Variants in CCDC18 observed in about 807,000 individuals in gnomAD.
The protein encoded by CCDC18 is coiled-coil domain containing 18, also known as coiled-coil domain-containing protein 18.
Under a neutral mutation model 196.0 loss-of-function variants are expected in CCDC18, and 157 were observed. The observed-to-expected ratio is 0.80, with a 90% CI of 0.70 to 0.91. CCDC18 has a LOEUF of 0.91. Among genes scored for constraint, CCDC18 ranks in the 40% least tolerant of loss-of-function variants. CCDC18 has a pLI of 0.00. For missense variants in CCDC18, 1,465 were observed against 1,611.6 expected (o/e 0.91, Z 1.56); for synonymous variants, 482 against 529.2 (o/e 0.91, Z 1.22).
intron 22 of CCDC18, among the ~76,000 whole-genome samples, chr1:93,246,471 G>A (rs1408830884): frequency 9.9e-5 from 15 of 152,002 alleles, no homozygotes; most frequent in Admixed American, 8.5e-4. Flanking sequence ...AGTGTTGGAG[G>A]AACAAAAATA....
intron 27 of CCDC18, among the ~76,000 whole-genome samples, chr1:93,268,487 C>G (rs1159071112): frequency 6.6e-6 from 1 of 152,096 alleles, no homozygotes; most frequent in African/African-American, 2.4e-5. Flanking sequence ...TCAGAGTGAA[C>G]AGGCAACCTA....
rs916292623 is a variant in CCDC18, at chr1:93,257,250, A to C, written c.3546+712A>C. Among the ~76,000 whole-genome samples the C allele has an allele frequency of 1.1e-3, 157 of 145,286 alleles. 1 individual carries two copies. The highest frequency in any genetic ancestry group is 4.7e-3 in the South Asian group (22 of 4,730). ...CCATCTCAAAAAAAAAAAAAAAAAAAAAAAAAAAACATGAAAACTATCCAA... is the reference window on the plus strand; with the variant it reads ...CCATCTCAAAAAAAAAAAAAAAAAACAAAAAAAAACATGAAAACTATCCAA... On this transcript the variant is annotated intron_variant, in intron 25 of 28. Transcript: ENST00000690025.
chr1:93,270,826 A>G lies in CCDC18; in HGVS notation c.4353+12A>G. 1 of 1,480,652 alleles carries G rather than the reference A, an allele frequency of 6.8e-7. No homozygotes were observed. The highest frequency in any genetic ancestry group is 9.0e-7 in the Non-Finnish European group (1 of 1,111,880). The allele number at this position is 1,480,652 out of a possible 1,614,324, so 91.7% of individuals were successfully genotyped here. A position where few individuals can be genotyped will look rare whatever the true frequency, so the allele number is the denominator to read the frequency against. On this transcript the variant is annotated intron_variant, in intron 28 of 28. Transcript: ENST00000690025. ...CTGGTTTAAATCAGGTATGTATTTT[A>G]TACACTGTAAACTGTAATAATTTGT...
intron 11 of CCDC18, among the ~76,000 whole-genome samples, chr1:93,213,307 A>C (rs1655974018): frequency 6.6e-6 from 1 of 151,994 alleles, no homozygotes; most frequent in Non-Finnish European, 1.5e-5. Context: ...TTTGTGTTTT[A>C]ATGTTTAACT....
At chr1:93,226,257 T>G in intron 16 of CCDC18, 76 bp from the exon 17 acceptor site, 1 of 677,720 alleles carries the variant, frequency 1.5e-6, no homozygotes, top group Non-Finnish European at 2.6e-6. Flanking sequence ...TCAGGTAACA[T>G]TAGGAGATAA....
At position 93,278,617 on chromosome 1, in the gene CCDC18, C is replaced by T; in HGVS notation, c.*140C>T. On this transcript the variant is annotated 3_prime_UTR_variant, in exon 29 of 29. Transcript: ENST00000690025. ...ATATTTCAATATTTTAAAAGAAAGC[C>T]CTTCTAAAACTTAATTATATTTTTA... 2.6e-6 allele frequency: 1 copy of T among 378,398 alleles called. No individual in the cohort carries two copies. Among genetic ancestry groups the T allele is most frequent in the Admixed American group, 4.0e-5 (1 of 25,160 alleles). 23.4% of individuals were successfully genotyped at this position (378,398 alleles called of 1,614,324 possible). A position where few individuals can be genotyped will look rare whatever the true frequency, so the allele number is the denominator to read the frequency against.
chr1:93,213,860 T>C (rs1656070784), intron 11 of CCDC18, among the ~76,000 whole-genome samples: 1 of 152,174 alleles, frequency 6.6e-6, no homozygotes, highest in Admixed American at 6.5e-5. Flanking sequence ...ACAGAGCCAA[T>C]AAAAAGTAAA....
chr1:93,235,143 A>T (rs1440042316), intron 18 of CCDC18, among the ~76,000 whole-genome samples: 1 of 151,744 alleles, frequency 6.6e-6, no homozygotes, highest in Non-Finnish European at 1.5e-5. Flanking sequence ...ATGGTTTATG[A>T]TCTATATTTA....
chr1:93,234,934 A>AGTGTGTGTGT (rs759186009), intron 18 of CCDC18, among the ~76,000 whole-genome samples: 2,195 of 67,702 alleles, frequency 0.032, 39 homozygotes, highest in Middle Eastern at 0.071. Flanking sequence ...TGCCCAGCTA[A>AGTGTGTGTGT]GAGTGTGTGT....
At chr1:93,220,944 T>C (rs1359200855) in intron 14 of CCDC18, among the ~76,000 whole-genome samples, 1 of 152,220 alleles carries the variant, frequency 6.6e-6, no homozygotes, top group East Asian at 1.9e-4. Context: ...TCCGTGTCCC[T>C]GTAAAGGAAA....
At chr1:93,225,667 C>T (rs1417237364) in intron 16 of CCDC18, among the ~76,000 whole-genome samples, 1 of 151,910 alleles carries the variant, frequency 6.6e-6, no homozygotes, top group Non-Finnish European at 1.5e-5. Flanking sequence ...ATCCCAGCTA[C>T]TCAGGAGGCG....
In CCDC18 at chr1:93,239,828, A is replaced by G. The variant is rs1468994761; in HGVS notation, c.2913A>G (p.Val971=). 1 of 1,613,396 alleles carries G rather than the reference A, an allele frequency of 6.2e-7. No individual in the cohort carries two copies. Among genetic ancestry groups the G allele is most frequent in the East Asian group, 2.2e-5 (1 of 44,832 alleles). Residue 971 remains valine, a synonymous_variant, in exon 21 of 29, where the codon GTA becomes GTG. Transcript: ENST00000690025. The part of the protein sequence containing the change: ...TLRQLQELRD[V]LQKAQLSLEE... ...GACAACTCCAGGAATTGAGAGATGT[A>G]CTACAGAAGGCTCAATTATCATTAG...
chr1:93,180,517 G>A (rs776326569), upstream of CCDC18: 1 of 1,531,370 alleles, frequency 6.5e-7, no homozygotes, highest in Non-Finnish European at 8.8e-7. Context: ...TCCCCCTGAC[G>A]GCCTCCGGTT....
chr1:93,213,050 G>A (rs1329217116), intron 11 of CCDC18, among the ~76,000 whole-genome samples: 1 of 152,154 alleles, frequency 6.6e-6, no homozygotes, highest in Non-Finnish European at 1.5e-5. Context: ...TAGGGTTTGT[G>A]TTCCTGTGGG....
upstream of CCDC18, chr1:93,180,612 G>C: frequency 7.4e-7 from 1 of 1,348,458 alleles, no homozygotes; most frequent in Non-Finnish European, 9.8e-7. Flanking sequence ...GGGCTCGGGC[G>C]CGCTCGCCGA....
chr1:93,248,433 G>T (rs1025972632), intron 23 of CCDC18, among the ~76,000 whole-genome samples: 19 of 152,172 alleles, frequency 1.2e-4, no homozygotes, highest in African/African-American at 4.6e-4. Context: ...TATGGTTTTT[G>T]TCCTTGATTC....
intron 14 of CCDC18, 73 bp from the exon 15 acceptor site, chr1:93,221,536 C>G: frequency 9.9e-7 from 1 of 1,010,822 alleles, no homozygotes; most frequent in Non-Finnish European, 1.4e-6. Flanking sequence ...ATTATAGTGT[C>G]ACATGTATTT....
intron 17 of CCDC18, 108 bp downstream of exon 17, chr1:93,226,557 A>G (rs751166794): frequency 2.1e-4 from 71 of 337,290 alleles, no homozygotes; most frequent in Non-Finnish European, 3.3e-4. Context: ...CTTTTGAGAC[A>G]GCGTCTCCCC....
rs114371972 is a variant in CCDC18, at chr1:93,218,392, A to G, written c.1962+523A>G. 7.8e-3 allele frequency among the ~76,000 whole-genome samples: 1,184 copies of G among 152,346 alleles called. 21 individuals are homozygous for G. Among genetic ancestry groups the G allele is most frequent in the African/African-American group, 0.027 (1,132 of 41,578 alleles). On this transcript the variant is annotated intron_variant, in intron 14 of 28. Transcript: ENST00000690025. ...GCTTAATTTATAAATTAGACACAGT[A>G]AGAGATTAGCAAGAATTCTAATAAA...
Sources: allele counts gnomAD v4.1 joint callset (sites outside exome capture counted in the v4.1 genomes callset), GRCh38; gene constraint gnomAD v4.1.1; transcripts MANE v1.5; gene names NCBI Gene and HGNC (gene_info 2026-07-23, HGNC 2026-07-21).